The following VPS13D variants were observed in gnomAD, a reference collection of about 807,000 sequenced individuals.
VPS13D encodes the protein vacuolar protein sorting 13 homolog D, also known as intermembrane lipid transfer protein VPS13D.
VPS13D carries 187 observed loss-of-function variants against 461.9 expected under a neutral mutation model. That is an observed-to-expected ratio of 0.40 (90% confidence interval 0.36 to 0.46). The LOEUF is 0.46. Ranked by LOEUF, VPS13D falls within the 20% of genes least tolerant of loss-of-function variation. The probability of loss-of-function intolerance (pLI) is 0.60; values close to 1 mark genes in which losing one functional copy is unlikely to be tolerated. For missense variants in VPS13D, 4,711 were observed against 5,364.9 expected, an observed-to-expected ratio of 0.88 and a Z score of 3.81; for synonymous variants, 1,951 against 1,986.3, an observed-to-expected ratio of 0.98 and a Z score of 0.47.
intron 5 of VPS13D, among the ~76,000 whole-genome samples, chr1:12,245,160 C>G (rs1265652452): frequency 6.6e-6 from 1 of 152,092 alleles, no homozygotes; most frequent in Non-Finnish European, 1.5e-5. Context: ...TTGACCTTGC[C>G]CATGTTTTCT....
intron 5 of VPS13D, among the ~76,000 whole-genome samples, chr1:12,248,916 T>G (rs1640643491): frequency 6.6e-6 from 1 of 152,196 alleles, no homozygotes; most frequent in Non-Finnish European, 1.5e-5. Flanking sequence ...TTGGTAAAAC[T>G]AATCACAAAG....
rs544043021 is a variant in VPS13D at position 12,330,261 on chromosome 1, C to T, written c.8287+343C>T. 5.3e-5 allele frequency among the ~76,000 whole-genome samples: 8 copies of T among 152,022 alleles called. No individual in the cohort carries two copies. In the South Asian group the frequency reaches 1.5e-3, roughly 28 times the overall value. ...CGAAACCCTGTCTCTACTAAAAATA[C>T]AAAACTAGCTGGGCATGGTGGTGGG... is the stretch of plus-strand genomic sequence containing the variant. On this transcript the variant is annotated intron_variant, in intron 37 of 69. Coordinates refer to ENST00000620676, the MANE Select transcript of VPS13D (RefSeq NM_015378.4).
chr1:12,430,027 T>G (rs1313496924), intron 65 of VPS13D, among the ~76,000 whole-genome samples: 5 of 152,268 alleles, frequency 3.3e-5, no homozygotes, highest in African/African-American at 1.2e-4. Flanking sequence ...TTGTTTTCAC[T>G]GAAGTGAAAA....
At position 12,508,875 on chromosome 1, in the gene VPS13D, T is replaced by C. The variant is rs750558101; in HGVS notation, c.13036-18T>C. 2 of 1,612,728 alleles carry C rather than the reference T, an allele frequency of 1.2e-6. No individual in the cohort carries two copies. The highest frequency in any genetic ancestry group is 2.2e-5 in the South Asian group (2 of 90,628). ...CCCCATCCTGGGGACAGGTGACCCATCCTGTTCTCCTCCTTAGGTCCATGT... is the reference window on the plus strand; with the variant it reads ...CCCCATCCTGGGGACAGGTGACCCACCCTGTTCTCCTCCTTAGGTCCATGT... On this transcript the variant is annotated intron_variant, in intron 69 of 69. Coordinates refer to ENST00000620676, the MANE Select transcript of VPS13D (RefSeq NM_015378.4).
intron 65 of VPS13D, among the ~76,000 whole-genome samples, chr1:12,453,322 C>T (rs639329): frequency 1.3e-5 from 2 of 151,806 alleles, no homozygotes; most frequent in African/African-American, 4.8e-5. Flanking sequence ...TAGCTGCCAG[C>T]GATAGGTAAA....
intron 37 of VPS13D, among the ~76,000 whole-genome samples, chr1:12,330,340 G>A (rs1277103423): frequency 5.3e-5 from 8 of 151,958 alleles, no homozygotes; most frequent in African/African-American, 1.4e-4. Flanking sequence ...ACTTGAACCC[G>A]GCAGGCGGAG....
chr1:12,332,776 AAAAG>A (rs1643362924), intron 37 of VPS13D, among the ~76,000 whole-genome samples: 1 of 152,230 alleles, frequency 6.6e-6, no homozygotes, highest in African/African-American at 2.4e-5. Context: ...TATTTTAAGA[AAAAG>A]AAAAAGTGAG....
chr1:12,478,740 C>T, intron 67 of VPS13D: 2 of 453,390 alleles, frequency 4.4e-6, no homozygotes, highest in East Asian at 7.0e-5. Context: ...CCTCCCTCCC[C>T]CCGGCCAGAA....
intron 10 of VPS13D, among the ~76,000 whole-genome samples, chr1:12,260,276 C>T (rs1362537007): frequency 2.6e-5 from 4 of 151,926 alleles, no homozygotes; most frequent in East Asian, 1.9e-4. Context: ...CCGCCCATCT[C>T]GGCCTCCCAA....
At chr1:12,316,860 A>G (rs1569888142) in intron 30 of VPS13D, among the ~76,000 whole-genome samples, 1 of 152,008 alleles carries the variant, frequency 6.6e-6, no homozygotes, top group East Asian at 1.9e-4. Context: ...GGCCTTATCC[A>G]TTAGTAGGCT....
intron 65 of VPS13D, among the ~76,000 whole-genome samples, chr1:12,442,010 C>T (rs1645137746): frequency 6.6e-6 from 1 of 151,992 alleles, no homozygotes; most frequent in African/African-American, 2.4e-5. Flanking sequence ...TTATGCTTAA[C>T]CCTCATAAAA....
intron 55 of VPS13D, among the ~76,000 whole-genome samples, chr1:12,376,804 C>T (rs895266372): frequency 6.6e-6 from 1 of 152,106 alleles, no homozygotes; most frequent in African/African-American, 2.4e-5. Flanking sequence ...GTGATCCTGG[C>T]AGATCTAGCT....
In VPS13D at chr1:12,414,891, A is replaced by G. The variant is rs17038010; in HGVS notation, c.12031-196A>G. Reference sequence around the variant, plus strand: ...GTGATACATGTGACTTGGGTGATATATGTCTGTCTATATATGTATTTTTCC... The same window carrying G: ...GTGATACATGTGACTTGGGTGATATGTGTCTGTCTATATATGTATTTTTCC... On this transcript the variant is annotated intron_variant, in intron 63 of 69. Coordinates refer to ENST00000620676, the MANE Select transcript of VPS13D (RefSeq NM_015378.4). Among the ~76,000 whole-genome samples the G allele has an allele frequency of 1.9e-3, 283 of 152,344 alleles. 5 individuals are homozygous for G. The highest frequency in any genetic ancestry group is 6.0e-3 in the African/African-American group (250 of 41,580).
chr1:12,437,621 C>A (rs1645078387), intron 65 of VPS13D, among the ~76,000 whole-genome samples: 1 of 152,024 alleles, frequency 6.6e-6, no homozygotes, highest in Non-Finnish European at 1.5e-5. Flanking sequence ...CCCATCCATT[C>A]CAATGAGTAG....
At chr1:12,282,545 T>C (rs1410904623) in intron 20 of VPS13D, among the ~76,000 whole-genome samples, 160 bp from the exon 21 acceptor site, 1 of 152,142 alleles carries the variant, frequency 6.6e-6, no homozygotes, top group Non-Finnish European at 1.5e-5. Flanking sequence ...AAGTGGGTCA[T>C]AAAGAGGTAA....
chr1:12,292,871 C>G (rs1196457262), intron 23 of VPS13D, among the ~76,000 whole-genome samples: 5 of 152,058 alleles, frequency 3.3e-5, no homozygotes, highest in Non-Finnish European at 5.9e-5. Flanking sequence ...TGTTTGTGTT[C>G]TATACCTTGG....
chr1:12,438,657 CT>C (rs1241662529), intron 65 of VPS13D, among the ~76,000 whole-genome samples: 1 of 152,190 alleles, frequency 6.6e-6, no homozygotes, highest in African/African-American at 2.4e-5. Context: ...TCACCTCCTC[CT>C]CCCTGGCAAA....
chr1:12,321,795 A>G lies in VPS13D; in HGVS notation c.7549-14A>G, dbSNP rs571542425. Reference sequence around the variant, plus strand: ...CAGACATTAATTCTCGCCATATTGCATTTCATTCTGTAGGTGTTTTCATGC... The same window carrying G: ...CAGACATTAATTCTCGCCATATTGCGTTTCATTCTGTAGGTGTTTTCATGC... On this transcript the variant is annotated splice_polypyrimidine_tract_variant and intron_variant, in intron 32 of 69. Coordinates refer to ENST00000620676, the MANE Select transcript of VPS13D (RefSeq NM_015378.4). The G allele has an allele frequency of 8.8e-6, 14 of 1,593,572 alleles. No homozygotes were observed. In the South Asian group the frequency reaches 1.4e-4, roughly 16 times the overall value.
Position 12,279,298 on chromosome 1 carries a change from G to C in VPS13D, c.4451-201G>C, listed in dbSNP as rs1475728628. 6.6e-6 allele frequency among the ~76,000 whole-genome samples: 1 copy of C among 152,122 alleles called. No homozygotes were observed. Among genetic ancestry groups the C allele is most frequent in the Non-Finnish European group, 1.5e-5 (1 of 68,026 alleles). On this transcript the variant is annotated intron_variant, in intron 19 of 69. Transcript: ENST00000620676. This position sits in a 1 kb window ranked among gnomAD's most constrained non-coding sequence, Gnocchi z 4.3. ...TTCTTTTTTTGTGTAAATGTATCTT[G>C]TACCTCAGCTTGCTATGAGTTTTGG...
Sources: allele counts gnomAD v4.1 joint callset (sites outside exome capture counted in the v4.1 genomes callset), GRCh38; gene constraint gnomAD v4.1.1; non-coding constraint Gnocchi (gnomAD v3.1); transcripts MANE v1.5; gene names NCBI Gene and HGNC (gene_info 2026-07-23, HGNC 2026-07-21).